ELMO1: variants seen among roughly 807,000 people sequenced by gnomAD.
The protein encoded by ELMO1 is engulfment and cell motility protein 1.
A neutral mutation model predicts 98.9 loss-of-function variants in ELMO1; 26 were observed. The observed-to-expected ratio is 0.26, with a 90% CI of 0.19 to 0.36. ELMO1 has a LOEUF of 0.36. Among genes scored for constraint, ELMO1 ranks in the 10% least tolerant of loss-of-function variants. The pLI is 1.00. For missense variants in ELMO1, 627 were observed against 935.2 expected (o/e 0.67, Z 4.30); for synonymous variants, 346 against 346.0 (o/e 1.00, Z 0.00).
At chr7:37,314,075 C>T (rs1799026149) in intron 4 of ELMO1, among the ~76,000 whole-genome samples, 1 of 152,182 alleles carries the variant, frequency 6.6e-6, no homozygotes, top group Non-Finnish European at 1.5e-5. Context: ...ATCAAAGAAG[C>T]ACAAAAGTCT....
intron 1 of ELMO1, among the ~76,000 whole-genome samples, chr7:37,394,398 C>T (rs536520150): frequency 1.3e-5 from 2 of 152,250 alleles, no homozygotes; most frequent in African/African-American, 4.8e-5. Flanking sequence ...GGAGCTGGAT[C>T]AGACAGGCCT....
intron 13 of ELMO1, among the ~76,000 whole-genome samples, chr7:37,139,105 C>T (rs1584706442): frequency 6.6e-6 from 1 of 152,180 alleles, no homozygotes; most frequent in East Asian, 1.9e-4. Context: ...ACAACAAACT[C>T]ACCATCAACA....
chr7:36,949,333 T>C (rs1787776848), intron 16 of ELMO1, among the ~76,000 whole-genome samples: 1 of 152,180 alleles, frequency 6.6e-6, no homozygotes, highest in African/African-American at 2.4e-5. Flanking sequence ...AAATGGAGGA[T>C]ATAAATATCT....
intron 10 of ELMO1, 99 bp downstream of exon 10, chr7:37,222,516 G>A (rs1793654029): frequency 8.5e-7 from 1 of 1,170,168 alleles, no homozygotes; most frequent in Non-Finnish European, 1.3e-6. Context: ...CAGGATAGCA[G>A]AGAGGCCCAA....
chr7:37,385,037 A>G (rs1802739608), intron 1 of ELMO1, among the ~76,000 whole-genome samples: 1 of 152,252 alleles, frequency 6.6e-6, no homozygotes, highest in Non-Finnish European at 1.5e-5. Context: ...AACACTGTCT[A>G]GGAATTACTT....
rs916407926 is a variant in ELMO1 at position 37,243,612 on chromosome 7, A to C, written c.449+744T>G. 1.6e-4 allele frequency among the ~76,000 whole-genome samples: 24 copies of C among 152,192 alleles called. 2 individuals carry two copies. The highest frequency in any genetic ancestry group is 1.1e-3 in the Admixed American group (17 of 15,278). Reference sequence around the variant, plus strand: ...AATGATTTGAGACCAGCATAATACTATAGTACATTGAAGGTGATGAGGATT... The same window carrying C: ...AATGATTTGAGACCAGCATAATACTCTAGTACATTGAAGGTGATGAGGATT... On this transcript the variant is annotated intron_variant, in intron 7 of 21. Transcript: ENST00000310758.
chr7:37,248,194 A>ATGTG lies in ELMO1; in HGVS notation c.414-3807_414-3804dup, dbSNP rs3054282. Among the ~76,000 whole-genome samples, 302 of 141,122 alleles carry ATGTG rather than the reference A, an allele frequency of 2.1e-3. 3 individuals carry two copies. The highest frequency in any genetic ancestry group is 6.5e-3 in the African/African-American group (253 of 38,936). The allele number at this position is 141,122 out of a possible 152,430, so 92.6% of individuals were successfully genotyped here. A position where few individuals can be genotyped will look rare whatever the true frequency, so the allele number is the denominator to read the frequency against. On this transcript the variant is annotated intron_variant, in intron 6 of 21. Coordinates refer to ENST00000310758, the MANE Select transcript of ELMO1 (RefSeq NM_014800.11). Reference sequence around the variant, plus strand: ...TCTATTGCCCTAAGTGGGATTTTATATGTGTGTGTGTGTGTGTGTGTGTCT... The same window carrying ATGTG: ...TCTATTGCCCTAAGTGGGATTTTATATGTGTGTGTGTGTGTGTGTGTGTGTGTCT...
intron 15 of ELMO1, among the ~76,000 whole-genome samples, chr7:37,037,893 CTATGGAAG>C (rs2129191723): frequency 6.6e-6 from 1 of 152,162 alleles, no homozygotes; most frequent in South Asian, 2.1e-4. Context: ...AATAAAAGAA[CTATGGAAG>C]TTATGGAAAA....
At chr7:37,091,043 T>C (rs1162678930) in intron 15 of ELMO1, among the ~76,000 whole-genome samples, 1 of 152,166 alleles carries the variant, frequency 6.6e-6, no homozygotes. Flanking sequence ...CAAAAGAGAG[T>C]AATTGATCCA....
At chr7:36,964,241 G>A (rs146775611) in intron 16 of ELMO1, among the ~76,000 whole-genome samples, 2 of 152,246 alleles carry the variant, frequency 1.3e-5, no homozygotes, top group Admixed American at 6.5e-5. Flanking sequence ...TAATCCCATC[G>A]TAAGTGGAAA....
At chr7:37,367,412 C>T (rs769765970) in intron 1 of ELMO1, among the ~76,000 whole-genome samples, 12 of 152,182 alleles carry the variant, frequency 7.9e-5, no homozygotes, top group Middle Eastern at 3.2e-3. Flanking sequence ...TTTTCTTCAC[C>T]ATTTTACCTG....
chr7:37,038,355 G>A (rs1286949439), intron 15 of ELMO1, among the ~76,000 whole-genome samples: 1 of 152,166 alleles, frequency 6.6e-6, no homozygotes, highest in Non-Finnish European at 1.5e-5. Flanking sequence ...GCCTGCCTGT[G>A]CAAGCTCATG....
chr7:36,967,921 T>C (rs751962871), intron 16 of ELMO1, among the ~76,000 whole-genome samples: 4 of 152,246 alleles, frequency 2.6e-5, no homozygotes, highest in African/African-American at 4.8e-5. Flanking sequence ...TTGTATGTGC[T>C]TTGCCTGTTA....
chr7:37,205,680 C>T (rs1221570429), intron 13 of ELMO1, among the ~76,000 whole-genome samples: 1 of 152,062 alleles, frequency 6.6e-6, no homozygotes, highest in Non-Finnish European at 1.5e-5. Context: ...AACAGGAAGG[C>T]AGGGTGGTGG....
intron 16 of ELMO1, among the ~76,000 whole-genome samples, chr7:36,959,656 A>G (rs1788773862): frequency 6.6e-6 from 1 of 152,024 alleles, no homozygotes; most frequent in African/African-American, 2.4e-5. Context: ...CCCTCTCTAT[A>G]ATCTCTTTTC....
At chr7:37,186,137 T>A (rs972825360) in intron 13 of ELMO1, among the ~76,000 whole-genome samples, 1 of 152,190 alleles carries the variant, frequency 6.6e-6, no homozygotes, top group Non-Finnish European at 1.5e-5. Flanking sequence ...GGAACAGGAT[T>A]AAGAATCCAG....
chr7:36,957,166 C>A (rs1361076184), intron 16 of ELMO1, among the ~76,000 whole-genome samples: 1 of 152,222 alleles, frequency 6.6e-6, no homozygotes, highest in Non-Finnish European at 1.5e-5. Context: ...TTCTGAAATA[C>A]ATTCAGGCAA....
At chr7:37,094,880 A>G (rs6952481) in intron 15 of ELMO1, among the ~76,000 whole-genome samples, 10,840 of 152,252 alleles carry the variant, frequency 0.071, 1,313 homozygotes, top group African/African-American at 0.25. Flanking sequence ...TAAGTAGCAG[A>G]GCTGAACTCA....
chr7:36,990,789 G>A (rs1052632755), intron 16 of ELMO1, among the ~76,000 whole-genome samples: 4 of 151,828 alleles, frequency 2.6e-5, no homozygotes, highest in Non-Finnish European at 1.5e-5. Flanking sequence ...AATGTTAGGC[G>A]GTATACATGT....
Sources: allele counts gnomAD v4.1 joint callset (sites outside exome capture counted in the v4.1 genomes callset), GRCh38; gene constraint gnomAD v4.1.1; transcripts MANE v1.5; gene names NCBI Gene and HGNC (gene_info 2026-07-23, HGNC 2026-07-21).